Variants in EXOC4 observed in about 807,000 individuals in gnomAD.
EXOC4 encodes the protein exocyst complex component 4.
Under a neutral mutation model 107.2 loss-of-function variants are expected in EXOC4, and 71 were observed. The ratio of observed to expected loss-of-function variants is 0.66; its 90% confidence interval spans 0.55 to 0.81. The LOEUF is 0.81. EXOC4 is among the 30% of genes least tolerant of loss of function. The pLI is 0.00. For missense variants in EXOC4, 1,108 were observed against 1,189.6 expected, an observed-to-expected ratio of 0.93 and a Z score of 1.01; for synonymous variants, 456 against 441.2, an observed-to-expected ratio of 1.03 and a Z score of -0.42.
intron 7 of EXOC4, among the ~76,000 whole-genome samples, chr7:133,453,440 C>T (rs1439403756): frequency 1.3e-5 from 2 of 152,200 alleles, no homozygotes; most frequent in East Asian, 3.9e-4. Context: ...GATAATAGCA[C>T]GCAGATCTGT....
intron 7 of EXOC4, among the ~76,000 whole-genome samples, chr7:133,405,466 A>G (rs1000688265): frequency 6.6e-6 from 1 of 152,140 alleles, no homozygotes; most frequent in East Asian, 1.9e-4. Context: ...TATTGATATA[A>G]TTTTTTATTT....
At chr7:134,019,060 G>T (rs1794970926) in intron 17 of EXOC4, among the ~76,000 whole-genome samples, 1 of 152,098 alleles carries the variant, frequency 6.6e-6, no homozygotes, top group South Asian at 2.1e-4. Context: ...CTCCTGAGTA[G>T]CTGGGATTAA....
intron 7 of EXOC4, among the ~76,000 whole-genome samples, chr7:133,425,895 C>T (rs549111542): frequency 6.6e-6 from 1 of 152,102 alleles, no homozygotes; most frequent in African/African-American, 2.4e-5. Flanking sequence ...TCTGGAAGAC[C>T]CTGCTTTGAG....
At chr7:133,573,658 C>A (rs1378549453) in intron 9 of EXOC4, among the ~76,000 whole-genome samples, 1 of 151,958 alleles carries the variant, frequency 6.6e-6, no homozygotes. Context: ...CCTCTCTTTT[C>A]TTCTTTTGAG....
intron 11 of EXOC4, among the ~76,000 whole-genome samples, chr7:133,852,779 T>C (rs775754853): frequency 2.0e-5 from 3 of 152,196 alleles, no homozygotes; most frequent in Non-Finnish European, 2.9e-5. Flanking sequence ...TAAAAGCTTA[T>C]AGAGTCTTGT....
chr7:133,356,539 C>G lies in EXOC4; in HGVS notation c.973C>G (p.Arg325Gly), dbSNP rs201609585. The stretch of plus-strand genomic sequence containing the variant: ...CCAGGTGGCAGACAGTGGCTATCAG[C>G]GGGGGGAGAACGTTACTGTGGAGAA... ...TTQVADSGYQ[R>G]GENVTVENQP... Residue 325 changes from arginine (R) to glycine (G), a missense_variant, in exon 6 of 18, where the codon CGG becomes GGG. Arg to Gly is a moderately radical substitution (Grantham distance 125). Coordinates refer to ENST00000253861, the MANE Select transcript of EXOC4 (RefSeq NM_021807.4). 1.2e-6 allele frequency: 2 copies of G among 1,613,932 alleles called. No homozygotes were observed. Among genetic ancestry groups the G allele is most frequent in the East Asian group, 2.2e-5 (1 of 44,866 alleles).
intron 2 of EXOC4, among the ~76,000 whole-genome samples, chr7:133,281,531 A>G (rs1296674270): frequency 6.6e-6 from 1 of 151,786 alleles, no homozygotes; most frequent in African/African-American, 2.4e-5. Context: ...CGACACATTA[A>G]TTTTCATTTA....
chr7:133,939,936 A>T (rs1563064905), intron 14 of EXOC4, among the ~76,000 whole-genome samples: 1 of 152,086 alleles, frequency 6.6e-6, no homozygotes. Flanking sequence ...GAAAGAACTA[A>T]TTTTTTCTTT....
intron 6 of EXOC4, among the ~76,000 whole-genome samples, chr7:133,365,423 A>G (rs970497577): frequency 2.0e-5 from 3 of 152,086 alleles, no homozygotes; most frequent in African/African-American, 7.2e-5. Flanking sequence ...AATTTTAGCC[A>G]CAAATTTGGC....
At chr7:133,701,359 GATC>G (rs542950684) in intron 10 of EXOC4, among the ~76,000 whole-genome samples, 1 of 152,258 alleles carries the variant, frequency 6.6e-6, no homozygotes, top group South Asian at 2.1e-4. Context: ...GATTAAACAA[GATC>G]AACAGGCTCA....
At chr7:133,576,420 A>T in intron 9 of EXOC4, 7 of 1,090,742 alleles carry the variant, frequency 6.4e-6, no homozygotes, top group Middle Eastern at 2.6e-4. Flanking sequence ...TCAAATTAGC[A>T]TTATGTAGTA....
intron 9 of EXOC4, among the ~76,000 whole-genome samples, chr7:133,533,049 T>C (rs1800209135): frequency 6.6e-6 from 1 of 152,108 alleles, no homozygotes; most frequent in Admixed American, 6.6e-5. Context: ...TTGATTGACT[T>C]TCAGTATCTG....
chr7:133,927,097 G>A (rs1042467443), intron 13 of EXOC4, among the ~76,000 whole-genome samples: 1 of 150,098 alleles, frequency 6.7e-6, no homozygotes, highest in African/African-American at 2.5e-5. Context: ...GAATGAATGA[G>A]AAGGATCAGC....
At chr7:133,417,637 G>A (rs913863111) in intron 7 of EXOC4, among the ~76,000 whole-genome samples, 10 of 152,226 alleles carry the variant, frequency 6.6e-5, no homozygotes, top group Non-Finnish European at 1.3e-4. Flanking sequence ...CATAGTTTAC[G>A]TCCTTTTTTC....
intron 17 of EXOC4, among the ~76,000 whole-genome samples, chr7:134,025,154 T>C (rs1451279445): frequency 2.0e-5 from 3 of 152,206 alleles, no homozygotes; most frequent in Non-Finnish European, 4.4e-5. Context: ...CATATATTTA[T>C]GTAAAATCTA....
intron 14 of EXOC4, among the ~76,000 whole-genome samples, chr7:133,975,025 CT>C (rs3049805): frequency 8.0e-5 from 12 of 150,066 alleles, no homozygotes; most frequent in African/African-American, 2.4e-4. Context: ...ATTCCTATAC[CT>C]TTTTTTTTTG....
At chr7:133,397,415 T>G (rs1326979827) in intron 7 of EXOC4, among the ~76,000 whole-genome samples, 1 of 152,060 alleles carries the variant, frequency 6.6e-6, no homozygotes, top group Non-Finnish European at 1.5e-5. Context: ...ATTACAGGTG[T>G]GAGCCACTGC....
intron 5 of EXOC4, among the ~76,000 whole-genome samples, chr7:133,355,176 A>C (rs1343596861): frequency 6.6e-6 from 1 of 152,174 alleles, no homozygotes; most frequent in East Asian, 1.9e-4. Flanking sequence ...AATAACTTAG[A>C]ATGGCTTGTA....
At chr7:133,595,721 A>AT (rs1159517392) in intron 9 of EXOC4, among the ~76,000 whole-genome samples, 5 of 152,156 alleles carry the variant, frequency 3.3e-5, no homozygotes, top group Non-Finnish European at 1.5e-5. Flanking sequence ...TGGCAGAATT[A>AT]TTTTTTTAAA....
Sources: gnomAD v4.1 joint callset for allele counts (sites outside exome capture counted in the v4.1 genomes callset) on GRCh38, gnomAD v4.1.1 for gene constraint, MANE v1.5 for transcripts, NCBI Gene and HGNC (gene_info 2026-07-23, HGNC 2026-07-21) for gene names.